Variants in PTGER4 observed in about 807,000 individuals in gnomAD.
PTGER4 encodes prostaglandin E2 receptor EP4 subtype.
In PTGER4, 11 loss-of-function variants were observed where a neutral mutation model predicts 33.2. The ratio of observed to expected loss-of-function variants is 0.33; its 90% CI spans 0.21 to 0.55. PTGER4 has a LOEUF of 0.55. PTGER4 is among the 20% of genes least tolerant of loss of function. The probability of loss-of-function intolerance (pLI) is 0.92; values close to 1 mark genes in which losing one functional copy is unlikely to be tolerated. For missense variants in PTGER4, 481 were observed against 650.2 expected (o/e 0.74, Z 2.83); for synonymous variants, 275 against 281.5 (o/e 0.98, Z 0.23).
chr5:40,681,138 CAGA>C lies in PTGER4; in HGVS notation c.148_150del (p.Lys50del). The C allele has an allele frequency of 6.2e-7, 1 of 1,614,140 alleles. No individual in the cohort carries two copies. Among genetic ancestry groups the C allele is most frequent in the Non-Finnish European group, 8.5e-7 (1 of 1,180,034 alleles). ...GGTGCTGTGCAAGTCGCGCAAGGAG[CAGA>C]AGGAGACGACCTTCTACACGCTGGT... is the stretch of plus-strand genomic sequence containing the variant. On this transcript the variant is annotated inframe_deletion, in exon 2 of 3. Transcript: ENST00000302472. This position sits in a 1 kb window ranked among gnomAD's most constrained non-coding sequence, Gnocchi z 9.8.
chr5:40,731,450 G>A, the PTGER4 span, among the ~76,000 whole-genome samples: 3 of 152,164 alleles, frequency 2.0e-5, no homozygotes, highest in Non-Finnish European at 2.9e-5. Flanking sequence ...AAGGAAAGAG[G>A]TTTAATTGAC....
the PTGER4 span, among the ~76,000 whole-genome samples, chr5:40,731,856 CACTA>C: frequency 1.3e-5 from 2 of 152,168 alleles, no homozygotes; most frequent in Admixed American, 1.3e-4. Flanking sequence ...GGCTCTAGCC[CACTA>C]ACTATGAGTA....
the PTGER4 span, among the ~76,000 whole-genome samples, chr5:40,733,102 G>T: frequency 6.6e-6 from 1 of 152,058 alleles, no homozygotes; most frequent in African/African-American, 2.4e-5. Context: ...ACTTTGTTCC[G>T]TTCATTATTT....
At chr5:40,688,720 G>A (rs1741391929) in intron 2 of PTGER4, among the ~76,000 whole-genome samples, 1 of 152,144 alleles carries the variant, frequency 6.6e-6, no homozygotes, top group Non-Finnish European at 1.5e-5. Flanking sequence ...CAAAGCTTAT[G>A]GAAGGAAGAA....
the PTGER4 span, among the ~76,000 whole-genome samples, chr5:40,721,504 G>GA: frequency 6.6e-6 from 1 of 152,260 alleles, no homozygotes; most frequent in South Asian, 2.1e-4. Flanking sequence ...TACATAATGA[G>GA]AAAAGTCTAG....
chr5:40,707,459 G>A, the PTGER4 span, among the ~76,000 whole-genome samples: 2 of 151,936 alleles, frequency 1.3e-5, no homozygotes, highest in African/African-American at 4.8e-5. Flanking sequence ...GGTAAAGAGA[G>A]AAATTCAACA....
rs1561131902 is a variant in PTGER4, at chr5:40,692,277, G to C, written c.1366G>C (p.Glu456Gln). The C allele has an allele frequency of 6.2e-7, 1 of 1,614,220 alleles. No individual in the cohort carries two copies. Among genetic ancestry groups the C allele is most frequent in the Non-Finnish European group, 8.5e-7 (1 of 1,180,042 alleles). ...QDSESVLLVD[E>Q]AGGSGRAGPA... ...CTCAGAGAGTGTCTTACTGGTGGAT[G>C]AGGCTGGTGGGAGCGGCAGGGCTGG... is the stretch of plus-strand genomic sequence containing the variant. Residue 456 changes from glutamate to glutamine, a missense_variant, in exon 3 of 3, where the codon GAG becomes CAG. Physicochemically the swap from Glu to Gln is conservative, Grantham distance 29. This residue lies in a region of PTGER4 where 172 missense variants were observed against 199.2 expected (regional missense o/e 0.86). Coordinates refer to ENST00000302472, the MANE Select transcript of PTGER4 (RefSeq NM_000958.3).
At chr5:40,729,137 C>A in the PTGER4 span, among the ~76,000 whole-genome samples, 47 of 152,236 alleles carry the variant, frequency 3.1e-4, no homozygotes, top group Admixed American at 5.9e-4. Context: ...TTAAACAAGT[C>A]TTCATAAAGC....
the PTGER4 span, chr5:40,716,107 TC>T: frequency 6.7e-7 from 1 of 1,497,282 alleles, no homozygotes; most frequent in Non-Finnish European, 9.0e-7. Context: ...CAAGAGGCAA[TC>T]AAAAAGACAG....
At chr5:40,716,050 G>C in the PTGER4 span, 1 of 1,012,746 alleles carries the variant, frequency 9.9e-7, no homozygotes, top group Non-Finnish European at 1.4e-6. Context: ...TTACAACCAG[G>C]CGTTCTCCTA....
the PTGER4 span, among the ~76,000 whole-genome samples, chr5:40,744,986 T>C: frequency 6.6e-6 from 1 of 152,330 alleles, no homozygotes; most frequent in Middle Eastern, 3.4e-3. Context: ...ACTCAATCTC[T>C]ACACCTAACT....
downstream of PTGER4, among the ~76,000 whole-genome samples, chr5:40,697,360 C>T (rs1434702080): frequency 2.6e-5 from 4 of 151,720 alleles, no homozygotes; most frequent in Non-Finnish European, 5.9e-5. Flanking sequence ...CCGAGGCAGG[C>T]GGATCACCTG....
intron 2 of PTGER4, among the ~76,000 whole-genome samples, chr5:40,685,973 G>A (rs2111797276): frequency 6.6e-6 from 1 of 152,224 alleles, no homozygotes; most frequent in East Asian, 1.9e-4. Flanking sequence ...TTTCAGTGTA[G>A]AGGTTGACCT....
At chr5:40,721,342 T>C in the PTGER4 span, among the ~76,000 whole-genome samples, 1 of 152,136 alleles carries the variant, frequency 6.6e-6, no homozygotes, top group Non-Finnish European at 1.5e-5. Flanking sequence ...ATCATACTCA[T>C]GAATTTCAAA....
At chr5:40,746,739 G>A in the PTGER4 span, 14 of 1,261,812 alleles carry the variant, frequency 1.1e-5, no homozygotes, top group African/African-American at 4.5e-5. Flanking sequence ...ATCCCATTAC[G>A]GACAGTGAGC....
chr5:40,728,575 A>G, the PTGER4 span: 2 of 1,177,302 alleles, frequency 1.7e-6, no homozygotes, highest in East Asian at 2.7e-5. Flanking sequence ...TTTTTAGTCC[A>G]GTAAAAATAG....
Position 40,693,611 on chromosome 5 carries a change from T to C in PTGER4, c.*1233T>C. The C allele has an allele frequency of 5.1e-6, 5 of 985,976 alleles. No individual in the cohort carries two copies. Among genetic ancestry groups the C allele is most frequent in the Non-Finnish European group, 6.0e-6 (5 of 829,880 alleles). 61.1% of individuals were successfully genotyped at this position (985,976 alleles called of 1,614,324 possible). A position where few individuals can be genotyped will look rare whatever the true frequency, so the allele number is the denominator to read the frequency against. ...TCAAAGAAATATTAAGCATGTTTTGTTGCTCAGTGTTTTTGTGAATTGCTT... is the reference window on the plus strand; with the variant it reads ...TCAAAGAAATATTAAGCATGTTTTGCTGCTCAGTGTTTTTGTGAATTGCTT... On this transcript the variant is annotated 3_prime_UTR_variant, in exon 3 of 3. Coordinates refer to ENST00000302472, the MANE Select transcript of PTGER4 (RefSeq NM_000958.3).
chr5:40,708,308 G>C, the PTGER4 span, among the ~76,000 whole-genome samples: 2 of 152,078 alleles, frequency 1.3e-5, no homozygotes, highest in African/African-American at 4.8e-5. Flanking sequence ...GAAGAAAAGA[G>C]AGAAGAATCA....
chr5:40,700,104 T>C, the PTGER4 span, among the ~76,000 whole-genome samples: 3 of 152,234 alleles, frequency 2.0e-5, no homozygotes, highest in African/African-American at 7.2e-5. Context: ...TCATCAAGGC[T>C]ACAAGGTCAA....
Sources: gnomAD v4.1 joint callset for allele counts (sites outside exome capture counted in the v4.1 genomes callset) on GRCh38, gnomAD v4.1.1 for gene constraint, gnomAD v4.1.1 regional missense constraint, Gnocchi (gnomAD v3.1) non-coding constraint, MANE v1.5 for transcripts, NCBI Gene and HGNC (gene_info 2026-07-23, HGNC 2026-07-21) for gene names.